The following RIMBP2 variants were observed in gnomAD, a reference collection of about 807,000 sequenced individuals.
RIMBP2 encodes RIMS-binding protein 2.
A neutral mutation model predicts 118.6 loss-of-function variants in RIMBP2; 48 were observed. The ratio of observed to expected loss-of-function variants is 0.40; its 90% CI spans 0.32 to 0.51. RIMBP2 has a LOEUF of 0.51. RIMBP2 is among the 20% of genes least tolerant of loss of function. The pLI is 0.41. For missense variants in RIMBP2, 1,551 were observed against 1,768.3 expected, an observed-to-expected ratio of 0.88 and a Z score of 2.20; for synonymous variants, 762 against 742.9, an observed-to-expected ratio of 1.03 and a Z score of -0.42.
chr12:130,585,200 C>T (rs1566311608), intron 2 of RIMBP2, among the ~76,000 whole-genome samples: 1 of 152,128 alleles, frequency 6.6e-6, no homozygotes, highest in Non-Finnish European at 1.5e-5. Flanking sequence ...ACCACTCCAG[C>T]CCCATCATTG....
chr12:130,695,020 T>A (rs2065501186), intron 1 of RIMBP2, among the ~76,000 whole-genome samples: 1 of 152,176 alleles, frequency 6.6e-6, no homozygotes, highest in Non-Finnish European at 1.5e-5. Flanking sequence ...TCGCTCCCAT[T>A]ATGAACGCAA....
intron 3 of RIMBP2, among the ~76,000 whole-genome samples, chr12:130,514,611 T>A (rs1472429676): frequency 2.0e-5 from 3 of 152,126 alleles, no homozygotes; most frequent in Non-Finnish European, 2.9e-5. Flanking sequence ...AAGAAAGCCA[T>A]CCCAGGATCC....
intron 1 of RIMBP2, among the ~76,000 whole-genome samples, chr12:130,650,162 C>G (rs529420343): frequency 6.6e-6 from 1 of 152,234 alleles, no homozygotes; most frequent in African/African-American, 2.4e-5. Context: ...GCCCCCAGCA[C>G]CAAGGGGGCT....
At chr12:130,577,058 A>G (rs2058136451) in intron 2 of RIMBP2, among the ~76,000 whole-genome samples, 1 of 152,216 alleles carries the variant, frequency 6.6e-6, no homozygotes, top group Non-Finnish European at 1.5e-5. Flanking sequence ...CTTGTCTGGT[A>G]GAATGACTCA....
chr12:130,483,535 G>T (rs1209088990), intron 4 of RIMBP2, among the ~76,000 whole-genome samples: 1 of 152,180 alleles, frequency 6.6e-6, no homozygotes, highest in Non-Finnish European at 1.5e-5. Flanking sequence ...AGAAGGCCAA[G>T]GAAGCCCCCC....
intron 2 of RIMBP2, among the ~76,000 whole-genome samples, chr12:130,602,707 G>A (rs192085606): frequency 1.4e-4 from 21 of 152,336 alleles, no homozygotes; most frequent in Admixed American, 1.2e-3. Flanking sequence ...GTAGACGGTC[G>A]CATGACAGAA....
In RIMBP2 at chr12:130,620,065, G is replaced by A. The variant is rs985927323; in HGVS notation, c.-217+8257C>T. ...GAGAAAGAGGCTCCTGGACCCCTGC[G>A]GCAACCGGTTGAAAAGGGCCTCCGA... On this transcript the variant is annotated intron_variant, in intron 2 of 22. Transcript: ENST00000690449. The surrounding 1 kb of genome is among the most constrained non-coding windows in gnomAD (Gnocchi z 5.3). Among the ~76,000 whole-genome samples, 24 of 152,110 alleles carry A rather than the reference G, an allele frequency of 1.6e-4. No individual in the cohort carries two copies. The highest frequency in any genetic ancestry group is 5.3e-4 in the African/African-American group (22 of 41,430).
chr12:130,663,211 C>G (rs1376788618), intron 1 of RIMBP2, among the ~76,000 whole-genome samples: 1 of 152,138 alleles, frequency 6.6e-6, no homozygotes, highest in East Asian at 1.9e-4. Flanking sequence ...AAGTATCTGC[C>G]ACCTTCCTCC....
rs200467235 is a variant in RIMBP2, at chr12:130,451,231, C to A, written c.468G>T (p.Ser156=). 1.2e-5 allele frequency: 19 copies of A among 1,614,018 alleles called. No homozygotes were observed. Among genetic ancestry groups the A allele is most frequent in the Non-Finnish European group, 1.5e-5 (18 of 1,180,014 alleles). ...EPLSAKPTFL[S]RSGSARCRSE... Reference sequence around the variant, plus strand: ...ATCTGCATCTTGCGCTACCGGATCTCGACAGGAAGGTGGGCTTGGCGGACA... The same window carrying A: ...ATCTGCATCTTGCGCTACCGGATCTAGACAGGAAGGTGGGCTTGGCGGACA... Residue 156 remains serine (S), a synonymous_variant, in exon 8 of 23, where the codon TCG becomes TCT. Coordinates refer to ENST00000690449, the MANE Select transcript of RIMBP2 (RefSeq NM_001393629.1).
intron 1 of RIMBP2, among the ~76,000 whole-genome samples, chr12:130,654,738 T>C (rs1371461219): frequency 6.6e-6 from 1 of 152,228 alleles, no homozygotes; most frequent in East Asian, 1.9e-4. Context: ...ACAGACTTGA[T>C]TGGCTCATGG....
rs573939152 is a variant in RIMBP2 at position 130,424,375 on chromosome 12, G to A, written c.2896C>T (p.Arg966Trp). ...PLLARRRTLT[R>W]QSSVEEDFGE... ...AAGTCCTCCTCCACGCTGCTCTGCC[G>A]GGTCAGCGTCCGCCGCCGGGCCAGC... The change falls in exon 16 of 23, where the codon CGG becomes TGG. Residue 966 changes from arginine (R) to tryptophan (W), a missense_variant. Around this residue, in one of 5 missense-constraint regions of RIMBP2, gnomAD observed 1,038 missense variants for 1,125.1 expected, o/e 0.92. Transcript: ENST00000690449. This position sits in a 1 kb window ranked among gnomAD's most constrained non-coding sequence, Gnocchi z 9.8. 4.0e-5 allele frequency: 49 copies of A among 1,232,714 alleles called. No homozygotes were observed. The highest frequency in any genetic ancestry group is 2.3e-4 in the African/African-American group (15 of 64,518). The allele number at this position is 1,232,714 out of a possible 1,614,324, so 76.4% of individuals were successfully genotyped here.
chr12:130,453,921 G>A (rs1484213936), intron 7 of RIMBP2, among the ~76,000 whole-genome samples: 2 of 152,178 alleles, frequency 1.3e-5, no homozygotes, highest in Non-Finnish European at 2.9e-5. Context: ...AGGCGCGGCG[G>A]TGCACACCTG....
rs1648161715 is a variant in RIMBP2 at position 130,710,996 on chromosome 12, A to G, written c.-352+5226T>C. Among the ~76,000 whole-genome samples, 1 of 152,190 alleles carries G rather than the reference A, an allele frequency of 6.6e-6. No individual in the cohort carries two copies. The highest frequency in any genetic ancestry group is 6.5e-5 in the Admixed American group (1 of 15,274). On this transcript the variant is annotated intron_variant, in intron 1 of 22. Transcript: ENST00000690449. The surrounding 1 kb of genome is among the most constrained non-coding windows in gnomAD (Gnocchi z 4.3). ...AGTGGCTCATGCCTGTAATCCTAGC[A>G]TTTTGGGAGGCCAAGGTGGGCAAAT...
chr12:130,478,176 C>T, intron 5 of RIMBP2, among the ~76,000 whole-genome samples: 1 of 152,108 alleles, frequency 6.6e-6, no homozygotes, highest in South Asian at 2.1e-4. Flanking sequence ...TCACTCAGTC[C>T]TTCCTTCCCT....
intron 2 of RIMBP2, among the ~76,000 whole-genome samples, chr12:130,562,015 T>C (rs2056858555): frequency 6.6e-6 from 1 of 152,162 alleles, no homozygotes. Context: ...TATCAAACTC[T>C]GCAAAAATGA....
chr12:130,440,145 G>C (rs1163309075), intron 11 of RIMBP2, among the ~76,000 whole-genome samples: 1 of 117,044 alleles, frequency 8.5e-6, no homozygotes, highest in Non-Finnish European at 1.8e-5. Context: ...ACCGTCCCCG[G>C]GCATGGCTAA....
intron 21 of RIMBP2, among the ~76,000 whole-genome samples, chr12:130,403,565 CTT>C (rs1349423298): frequency 1.3e-5 from 2 of 152,130 alleles, no homozygotes; most frequent in Admixed American, 6.6e-5. Flanking sequence ...CAAATAAAAA[CTT>C]TTGTGCAACT....
At chr12:130,691,860 G>T (rs2065321814) in intron 1 of RIMBP2, among the ~76,000 whole-genome samples, 1 of 152,300 alleles carries the variant, frequency 6.6e-6, no homozygotes, top group Admixed American at 6.5e-5. Flanking sequence ...CTTCCTGAGG[G>T]TGTGGACTGT....
intron 2 of RIMBP2, among the ~76,000 whole-genome samples, chr12:130,533,182 C>T (rs1405403916): frequency 6.6e-6 from 1 of 151,998 alleles, no homozygotes; most frequent in Non-Finnish European, 1.5e-5. Context: ...TAATGAGATG[C>T]GTGTGTTTAG....
Sources: gnomAD v4.1 joint callset for allele counts (sites outside exome capture counted in the v4.1 genomes callset) on GRCh38, gnomAD v4.1.1 for gene constraint, gnomAD v4.1.1 regional missense constraint, Gnocchi (gnomAD v3.1) non-coding constraint, MANE v1.5 for transcripts, NCBI Gene and HGNC (gene_info 2026-07-23, HGNC 2026-07-21) for gene names.